Variants in UGT1A6 observed in about 807,000 individuals in gnomAD.
The protein encoded by UGT1A6 is UDP-glucuronosyltransferase 1A6.
In UGT1A6, 32 loss-of-function variants were observed where a neutral mutation model predicts 44.4. The observed-to-expected ratio is 0.72, with a 90% CI of 0.54 to 0.97. The LOEUF (loss-of-function observed/expected upper bound fraction) is 0.97, where lower values mean the gene tolerates loss of function less well. Among genes scored for constraint, UGT1A6 ranks in the 50% least tolerant of loss-of-function variants. The pLI, the probability that UGT1A6 is intolerant of heterozygous loss-of-function variation, is 0.00. For missense variants in UGT1A6, 685 were observed against 661.9 expected (o/e 1.03, Z -0.38); for synonymous variants, 238 against 248.5 (o/e 0.96, Z 0.40).
At chr2:233,725,270 A>AGAGGCAGAG (rs2077418450) in intron 1 of UGT1A6, among the ~76,000 whole-genome samples, 1 of 37,556 alleles carries the variant, frequency 2.7e-5, no homozygotes, top group Non-Finnish European at 5.1e-5. Flanking sequence ...CAGAGGAGGC[A>AGAGGCAGAG]GAGGCAGAGG....
chr2:233,762,815 T>C (rs1334118608), intron 1 of UGT1A6, among the ~76,000 whole-genome samples: 4 of 152,182 alleles, frequency 2.6e-5, no homozygotes, highest in Non-Finnish European at 5.9e-5. Flanking sequence ...ATCAAAATAT[T>C]GATTTTCATA....
In UGT1A6 at chr2:233,724,313, C is replaced by T. The variant is rs1238022468; in HGVS notation, c.861+30448C>T. ...CTGACCCCCCCACCTCCCTCCCGGA[C>T]GGGGCGGCTGGCCAGGCGGGGGGCT... On this transcript the variant is annotated intron_variant, in intron 1 of 4. Coordinates refer to ENST00000305139, the MANE Select transcript of UGT1A6 (RefSeq NM_001072.4). Among the ~76,000 whole-genome samples the T allele has an allele frequency of 7.3e-4, 99 of 136,280 alleles. No homozygotes were observed. In the Middle Eastern group the frequency reaches 0.011, roughly 16 times the overall value. 89.4% of individuals were successfully genotyped at this position (136,280 alleles called of 152,430 possible).
At chr2:233,729,556 A>T (rs150465811) in intron 1 of UGT1A6, 1 of 1,614,134 alleles carries the variant, frequency 6.2e-7, no homozygotes, top group East Asian at 2.2e-5. Context: ...CCTGAATGCT[A>T]CTTCCTTTGA....
In UGT1A6 at chr2:233,693,555, G is replaced by C; in HGVS notation, c.551G>C (p.Arg184Thr). The C allele has an allele frequency of 6.2e-7, 1 of 1,614,172 alleles. No individual in the cohort carries two copies. Among genetic ancestry groups the C allele is most frequent in the East Asian group, 2.2e-5 (1 of 44,892 alleles). Residue 184 changes from arginine (R) to threonine (T), a missense_variant, in exon 1 of 5, where the codon AGA (arginine) becomes ACA (threonine). Transcript: ENST00000305139. ...TGTTCCCTGGAGCATACATTCAGCA[G>C]AAGCCCAGACCCTGTGTCCTACATT... ...FPCSLEHTFS[R>T]SPDPVSYIPR...
intron 1 of UGT1A6, among the ~76,000 whole-genome samples, chr2:233,766,240 CT>C (rs1055344910): frequency 2.0e-5 from 3 of 151,920 alleles, no homozygotes; most frequent in African/African-American, 7.3e-5. Flanking sequence ...AGGGTTTCCC[CT>C]GGAGTCAGAC....
chr2:233,713,977 CATT>C (rs2076359856), intron 1 of UGT1A6: 15 of 1,595,186 alleles, frequency 9.4e-6, no homozygotes, highest in African/African-American at 5.4e-5. Context: ...TTCTGCTTCT[CATT>C]GTTGTAATAG....
intron 1 of UGT1A6, chr2:233,719,217 C>T (rs1235910435): frequency 1.2e-6 from 2 of 1,614,064 alleles, no homozygotes; most frequent in Non-Finnish European, 1.7e-6. Flanking sequence ...GGAGCTACTG[C>T]ATAATGAGGC....
chr2:233,702,281 T>C (rs950915205), intron 1 of UGT1A6, among the ~76,000 whole-genome samples: 3 of 152,228 alleles, frequency 2.0e-5, no homozygotes, highest in African/African-American at 7.2e-5. Context: ...TTTTTCCCTT[T>C]AGCATAAAGA....
chr2:233,718,088 T>C (rs993085528), intron 1 of UGT1A6: 4 of 337,804 alleles, frequency 1.2e-5, no homozygotes, highest in African/African-American at 2.1e-5. Flanking sequence ...GTCTTGCCCA[T>C]GTGTGCTTTA....
At chr2:233,717,743 G>T (rs182116418) in intron 1 of UGT1A6, 1 of 456,536 alleles carries the variant, frequency 2.2e-6, no homozygotes, top group East Asian at 6.9e-5. Context: ...AGTGCTCAGG[G>T]TCTCCCCCTA....
At chr2:233,729,527 A>T in intron 1 of UGT1A6, 1 of 1,614,206 alleles carries the variant, frequency 6.2e-7, no homozygotes, top group Non-Finnish European at 8.5e-7. Context: ...CTACTACATA[A>T]TGAGGCCCTG....
chr2:233,745,917 G>A (rs976773367), intron 1 of UGT1A6, among the ~76,000 whole-genome samples: 1 of 151,628 alleles, frequency 6.6e-6, no homozygotes, highest in Non-Finnish European at 1.5e-5. Flanking sequence ...AGCTGAGGCA[G>A]TGATTCAGAA....
intron 1 of UGT1A6, chr2:233,755,155 T>G (rs921927491): frequency 2.3e-6 from 3 of 1,293,388 alleles, no homozygotes; most frequent in Non-Finnish European, 2.1e-6. Flanking sequence ...GCTTCCTCCC[T>G]GTCCTCGGGG....
At chr2:233,747,791 T>C in intron 1 of UGT1A6, 7 of 1,613,564 alleles carry the variant, frequency 4.3e-6, no homozygotes, top group Non-Finnish European at 5.9e-6. Context: ...CTTCCTCCTA[T>C]ATTCCTAAGT....
intron 1 of UGT1A6, among the ~76,000 whole-genome samples, chr2:233,759,718 G>C (rs914055324): frequency 2.0e-5 from 3 of 151,782 alleles, no homozygotes; most frequent in African/African-American, 7.3e-5. Context: ...TCGTGTGGTG[G>C]GCTCTGCTGC....
At chr2:233,761,616 T>C (rs1314305067) in intron 1 of UGT1A6, among the ~76,000 whole-genome samples, 1 of 152,246 alleles carries the variant, frequency 6.6e-6, no homozygotes, top group East Asian at 1.9e-4. Flanking sequence ...AATATTCTGA[T>C]AAGAAGCTAA....
chr2:233,724,419 C>T (rs1157534469), intron 1 of UGT1A6, among the ~76,000 whole-genome samples: 13 of 129,206 alleles, frequency 1.0e-4, no homozygotes, highest in South Asian at 3.0e-4. Flanking sequence ...GGCTGCCGGG[C>T]GGAGAGGCTC....
chr2:233,769,913 C>T lies in UGT1A6; in HGVS notation c.1301+1474C>T, dbSNP rs1699980310. 1.3e-5 allele frequency: 4 copies of T among 297,694 alleles called. No homozygotes were observed. The highest frequency in any genetic ancestry group is 6.9e-5 in the East Asian group (1 of 14,586). 18.4% of individuals were successfully genotyped at this position (297,694 alleles called of 1,614,324 possible). ...TAACCTGAGCATCATGTGCCCAGAG[C>T]GTTGGGTGGTGTGGTCCCATTCCTT... On this transcript the variant is annotated intron_variant, in intron 4 of 4. Transcript: ENST00000305139. The surrounding 1 kb of genome is among the most constrained non-coding windows in gnomAD (Gnocchi z 4.4).
At chr2:233,715,117 C>G (rs761696686) in intron 1 of UGT1A6, among the ~76,000 whole-genome samples, 1 of 152,142 alleles carries the variant, frequency 6.6e-6, no homozygotes, top group Non-Finnish European at 1.5e-5. Flanking sequence ...AATGCCTGAT[C>G]TCAAGTGATT....
Sources: gnomAD v4.1 joint callset for allele counts (sites outside exome capture counted in the v4.1 genomes callset) on GRCh38, gnomAD v4.1.1 for gene constraint, Gnocchi (gnomAD v3.1) non-coding constraint, MANE v1.5 for transcripts, NCBI Gene and HGNC (gene_info 2026-07-23, HGNC 2026-07-21) for gene names.